ITPR2: variants seen among roughly 807,000 people sequenced by gnomAD.
ITPR2 encodes the protein inositol 1,4,5-trisphosphate-gated calcium channel ITPR2.
Under a neutral mutation model 317.1 loss-of-function variants are expected in ITPR2, and 207 were observed. The observed-to-expected ratio is 0.65, with a 90% CI of 0.58 to 0.73. The LOEUF (loss-of-function observed/expected upper bound fraction) is 0.73, where lower values mean the gene tolerates loss of function less well. ITPR2 is among the 30% of genes least tolerant of loss of function. The probability of loss-of-function intolerance (pLI) is 0.00; values close to 1 mark genes in which losing one functional copy is unlikely to be tolerated. For synonymous variants in ITPR2, 1,156 were observed against 1,149.1 expected, an observed-to-expected ratio of 1.01 and a Z score of -0.12; for missense variants, 2,613 against 3,284.0, an observed-to-expected ratio of 0.80 and a Z score of 4.99.
chr12:26,516,578 A>C (rs898206512), intron 37 of ITPR2, among the ~76,000 whole-genome samples: 3 of 152,186 alleles, frequency 2.0e-5, no homozygotes, highest in Non-Finnish European at 2.9e-5. Context: ...TTATCAATAA[A>C]TAGCACTCAT....
intron 45 of ITPR2, among the ~76,000 whole-genome samples, chr12:26,452,389 T>C (rs75204842): frequency 7.1e-6 from 1 of 141,124 alleles, no homozygotes; most frequent in African/African-American, 2.6e-5. Flanking sequence ...TTCAAAAAAA[T>C]GAGATTAGGA....
chr12:26,430,180 T>C (rs903083961), intron 48 of ITPR2, among the ~76,000 whole-genome samples: 2 of 152,234 alleles, frequency 1.3e-5, no homozygotes, highest in African/African-American at 4.8e-5. Context: ...ATGTTTATAA[T>C]TAACTTCTCT....
chr12:26,823,641 T>C lies in ITPR2; in HGVS notation c.92+9049A>G, dbSNP rs1293534982. On this transcript the variant is annotated intron_variant, in intron 1 of 56. Transcript: ENST00000381340. ...CAGGATAGTCACATGTGTCTTAATA[T>C]GGACACATTTTCAATTGTATGATTA... Among the ~76,000 whole-genome samples the C allele has an allele frequency of 3.3e-5, 5 of 152,198 alleles. No individual in the cohort carries two copies. In the East Asian group the frequency reaches 9.6e-4, roughly 29 times the overall value.
chr12:26,652,158 T>G (rs571842243), intron 21 of ITPR2, among the ~76,000 whole-genome samples: 1 of 152,272 alleles, frequency 6.6e-6, no homozygotes, highest in East Asian at 1.9e-4. Context: ...TCTTCCCCAG[T>G]TTCTCCAAAA....
At chr12:26,578,001 T>C (rs1161007926) in intron 34 of ITPR2, among the ~76,000 whole-genome samples, 1 of 152,198 alleles carries the variant, frequency 6.6e-6, no homozygotes, top group African/African-American at 2.4e-5. Flanking sequence ...TTAACAGTGA[T>C]GAAGACTGAT....
chr12:26,438,082 T>C (rs986155528), intron 47 of ITPR2, among the ~76,000 whole-genome samples: 4 of 151,770 alleles, frequency 2.6e-5, no homozygotes, highest in Non-Finnish European at 5.9e-5. Context: ...ATTACAGGCA[T>C]GAGCCACCAC....
At chr12:26,441,908 T>C (rs1281440342) in intron 46 of ITPR2, among the ~76,000 whole-genome samples, 1 of 152,102 alleles carries the variant, frequency 6.6e-6, no homozygotes, top group African/African-American at 2.4e-5. Context: ...TGTATATGTA[T>C]ATGTGTGTAT....
intron 26 of ITPR2, among the ~76,000 whole-genome samples, chr12:26,615,182 A>G (rs1444773343): frequency 6.6e-6 from 1 of 152,226 alleles, no homozygotes; most frequent in African/African-American, 2.4e-5. Flanking sequence ...GAAACACAAC[A>G]TGAGTGAGAA....
chr12:26,424,402 T>G (rs1277837626), intron 49 of ITPR2, among the ~76,000 whole-genome samples: 1 of 152,170 alleles, frequency 6.6e-6, no homozygotes, highest in Non-Finnish European at 1.5e-5. Flanking sequence ...TTAGCACTTA[T>G]AGTTTCACCT....
intron 8 of ITPR2, among the ~76,000 whole-genome samples, chr12:26,712,187 G>A (rs1473297973): frequency 6.6e-6 from 1 of 152,134 alleles, no homozygotes; most frequent in Non-Finnish European, 1.5e-5. Flanking sequence ...TACAAAATGG[G>A]TTGATTCACA....
At chr12:26,566,569 A>AAAAGG (rs2137042172) in intron 34 of ITPR2, among the ~76,000 whole-genome samples, 1 of 151,938 alleles carries the variant, frequency 6.6e-6, no homozygotes, top group African/African-American at 2.4e-5. Context: ...AGAGGAGAGG[A>AAAAGG]AAAGGAAAGG....
intron 55 of ITPR2, among the ~76,000 whole-genome samples, chr12:26,359,089 T>C (rs1253393788): frequency 6.6e-6 from 1 of 152,224 alleles, no homozygotes; most frequent in Non-Finnish European, 1.5e-5. Flanking sequence ...AGAATGCAAG[T>C]TCTAGGAGGG....
intron 37 of ITPR2, among the ~76,000 whole-genome samples, chr12:26,518,463 C>G (rs1366873863): frequency 6.6e-6 from 1 of 152,060 alleles, no homozygotes; most frequent in Admixed American, 6.6e-5. Context: ...ACATCAAACC[C>G]CTGTGACATG....
At chr12:26,382,172 T>G (rs1939528466) in intron 55 of ITPR2, among the ~76,000 whole-genome samples, 1 of 152,214 alleles carries the variant, frequency 6.6e-6, no homozygotes, top group Admixed American at 6.5e-5. Flanking sequence ...TTTACTTTCC[T>G]GTATGGTCGC....
At chr12:26,655,614 A>C (rs1947353062) in intron 20 of ITPR2, 94 bp downstream of exon 20, 1 of 95,160 alleles carries the variant, frequency 1.1e-5, no homozygotes. Context: ...ACTCTGTCTC[A>C]AAAAAAAAAA....
intron 42 of ITPR2, among the ~76,000 whole-genome samples, chr12:26,482,010 T>A (rs1178125469): frequency 1.3e-5 from 2 of 152,192 alleles, no homozygotes; most frequent in Admixed American, 1.3e-4. Context: ...GGACTATGTG[T>A]TAACAATGTA....
intron 39 of ITPR2, among the ~76,000 whole-genome samples, chr12:26,491,324 A>G (rs572755880): frequency 6.6e-6 from 1 of 151,894 alleles, no homozygotes; most frequent in East Asian, 1.9e-4. Context: ...TCTACTAAAA[A>G]TACAAAAAAT....
At chr12:26,552,740 T>G (rs539319189) in intron 36 of ITPR2, among the ~76,000 whole-genome samples, 1 of 152,336 alleles carries the variant, frequency 6.6e-6, no homozygotes, top group South Asian at 2.1e-4. Context: ...GGATACATAG[T>G]AGGCATATAC....
At position 26,495,278 on chromosome 12, in the gene ITPR2, A is replaced by G. The variant is rs1333417126; in HGVS notation, c.5074-18T>C. ...GTGTTACCCTAATAAGAAGGATAAC[A>G]AAGAGTTACTGTTCCCTTTTCTAAT... On this transcript the variant is annotated intron_variant, in intron 37 of 56. Transcript: ENST00000381340. 1.5e-6 allele frequency: 2 copies of G among 1,326,952 alleles called. No individual in the cohort carries two copies. Among genetic ancestry groups the G allele is most frequent in the East Asian group, 2.3e-5 (1 of 43,188 alleles). 82.2% of individuals were successfully genotyped at this position (1,326,952 alleles called of 1,614,324 possible). A position where few individuals can be genotyped will look rare whatever the true frequency, so the allele number is the denominator to read the frequency against.
Sources: gnomAD v4.1 joint callset for allele counts (sites outside exome capture counted in the v4.1 genomes callset) on GRCh38, gnomAD v4.1.1 for gene constraint, MANE v1.5 for transcripts, NCBI Gene and HGNC (gene_info 2026-07-23, HGNC 2026-07-21) for gene names.